The following PLEKHA5 variants were observed in gnomAD, a reference collection of about 807,000 sequenced individuals.
PLEKHA5 encodes the protein pleckstrin homology domain-containing family A member 5.
Under a neutral mutation model 181.9 loss-of-function variants are expected in PLEKHA5, and 55 were observed. That is an observed-to-expected ratio of 0.30 (90% CI 0.24 to 0.38). The LOEUF is 0.38. PLEKHA5 is among the 10% of genes least tolerant of loss of function. PLEKHA5 has a pLI of 1.00. For synonymous variants in PLEKHA5, 535 were observed against 529.4 expected, an observed-to-expected ratio of 1.01 and a Z score of -0.15; for missense variants, 1,432 against 1,549.5, an observed-to-expected ratio of 0.92 and a Z score of 1.27.
At chr12:19,373,780 C>A (rs1471132410) in intron 31 of PLEKHA5, 1 of 152,042 alleles carries the variant, frequency 6.6e-6, no homozygotes, top group Non-Finnish European at 1.5e-5. Context: ...TTGATGACCT[C>A]TTAGTAGAAA....
At chr12:19,301,847 C>G (rs1372910763) in intron 15 of PLEKHA5, among the ~76,000 whole-genome samples, 1 of 152,174 alleles carries the variant, frequency 6.6e-6, no homozygotes, top group African/African-American at 2.4e-5. Flanking sequence ...TCACATTTCC[C>G]TGCTTCCTGT....
intron 3 of PLEKHA5, chr12:19,207,765 A>G (rs1488248348): frequency 6.6e-6 from 1 of 152,194 alleles, no homozygotes; most frequent in Admixed American, 6.5e-5. Context: ...GCATTTCAGT[A>G]ATTGTAACTA....
At chr12:19,290,385 G>GT (rs1317156651) in intron 13 of PLEKHA5, among the ~76,000 whole-genome samples, 2 of 152,074 alleles carry the variant, frequency 1.3e-5, no homozygotes, top group East Asian at 1.9e-4. Flanking sequence ...CCTTTATAAT[G>GT]TTTTTTTGGC....
At chr12:19,231,618 T>TTATATATGTATA (rs2060629552) in intron 3 of PLEKHA5, among the ~76,000 whole-genome samples, 1 of 144,238 alleles carries the variant, frequency 6.9e-6, no homozygotes, top group Non-Finnish European at 1.5e-5. Flanking sequence ...ATATAAATAC[T>TTATATATGTATA]CATAAAGCTT....
intron 31 of PLEKHA5, among the ~76,000 whole-genome samples, chr12:19,374,193 T>C (rs1365343778): frequency 6.6e-6 from 1 of 152,104 alleles, no homozygotes; most frequent in Non-Finnish European, 1.5e-5. Context: ...GTTATGCAAA[T>C]GTTTGCTCAT....
At chr12:19,145,944 G>A (rs894205710) in intron 3 of PLEKHA5, among the ~76,000 whole-genome samples, 7 of 152,144 alleles carry the variant, frequency 4.6e-5, no homozygotes, top group Non-Finnish European at 8.8e-5. Flanking sequence ...TAATAAGTCT[G>A]TGGAGCTACA....
chr12:19,138,543 AG>A lies in PLEKHA5; in HGVS notation c.227+6094del, dbSNP rs1248391986. 2.0e-5 allele frequency among the ~76,000 whole-genome samples: 3 copies of A among 151,132 alleles called. No individual in the cohort carries two copies. The East Asian group carries it at 5.9e-4, about 30-fold the overall frequency. On this transcript the variant is annotated intron_variant, in intron 3 of 31. Coordinates refer to ENST00000429027, the MANE Select transcript of PLEKHA5 (RefSeq NM_001256470.2). ...GGCCGAGATCACGCCACTGCACTCC[AG>A]CCTGGGTGACAGAGTAAGACTCTGT...
At chr12:19,212,531 A>G (rs1403523986) in intron 3 of PLEKHA5, among the ~76,000 whole-genome samples, 1 of 151,944 alleles carries the variant, frequency 6.6e-6, no homozygotes, top group Non-Finnish European at 1.5e-5. Context: ...AAATACAAAA[A>G]TTAGCCAGGC....
chr12:19,343,180 A>T (rs2094066732), intron 21 of PLEKHA5, 143 bp from the exon 22 acceptor site: 2 of 487,550 alleles, frequency 4.1e-6, no homozygotes, highest in African/African-American at 1.9e-5. Flanking sequence ...TGGGAGAGTC[A>T]CATCAATCAT....
chr12:19,235,157 CTG>C (rs1300459608), intron 3 of PLEKHA5, among the ~76,000 whole-genome samples: 3 of 152,114 alleles, frequency 2.0e-5, no homozygotes, highest in Non-Finnish European at 4.4e-5. Flanking sequence ...TTATAGCAAA[CTG>C]TGTTGGCTTG....
chr12:19,316,835 A>G lies in PLEKHA5; in HGVS notation c.2118+1941A>G, dbSNP rs565221033. On this transcript the variant is annotated intron_variant, in intron 16 of 31. Coordinates refer to ENST00000429027, the MANE Select transcript of PLEKHA5 (RefSeq NM_001256470.2). ...TTCTCCAGGTTTCCCTCATCATGTT[A>G]TTATCCAGGGAAAATGTACTGCTAC... Among the ~76,000 whole-genome samples, 3 of 152,276 alleles carry G rather than the reference A, an allele frequency of 2.0e-5. No homozygotes were observed. The East Asian group carries it at 5.8e-4, about 29-fold the overall frequency.
chr12:19,250,732 T>G (rs1056079323), intron 3 of PLEKHA5, among the ~76,000 whole-genome samples: 2 of 152,240 alleles, frequency 1.3e-5, no homozygotes, highest in Non-Finnish European at 2.9e-5. Context: ...ATTTTTTAAG[T>G]GACACCTTGT....
rs148318053 is a variant in PLEKHA5, at chr12:19,243,767, C to A, written c.228-10173C>A. ...GGAAATATATACTTTTCATGTTTTA[C>A]CCCTCAAAAAAAATTACAGTCTTTG... is the stretch of plus-strand genomic sequence containing the variant. On this transcript the variant is annotated intron_variant, in intron 3 of 31. Transcript: ENST00000429027. 5.9e-3 allele frequency among the ~76,000 whole-genome samples: 904 copies of A among 152,126 alleles called. 8 individuals carry two copies. Among genetic ancestry groups the A allele is most frequent in the African/African-American group, 0.02 (846 of 41,510 alleles).
At chr12:19,173,885 T>C (rs370670134) in intron 3 of PLEKHA5, among the ~76,000 whole-genome samples, 77 of 152,328 alleles carry the variant, frequency 5.1e-4, no homozygotes, top group African/African-American at 1.8e-3. Context: ...ACATTAGGTT[T>C]TAAGTATTGG....
At chr12:19,208,881 A>T (rs1256771687) in intron 3 of PLEKHA5, among the ~76,000 whole-genome samples, 3 of 152,140 alleles carry the variant, frequency 2.0e-5, no homozygotes, top group Non-Finnish European at 4.4e-5. Context: ...TTCCATTAAG[A>T]TTAGTGTAAA....
chr12:19,184,421 G>A (rs993324447), intron 3 of PLEKHA5, among the ~76,000 whole-genome samples: 5 of 152,154 alleles, frequency 3.3e-5, no homozygotes, highest in African/African-American at 1.2e-4. Flanking sequence ...GTACTTGGAT[G>A]TAGGATGTAC....
chr12:19,359,521 C>T lies in PLEKHA5; in HGVS notation c.3458C>T (p.Pro1153Leu), dbSNP rs1045615696. The T allele has an allele frequency of 6.2e-7, 1 of 1,613,812 alleles. No individual in the cohort carries two copies. Among genetic ancestry groups the T allele is most frequent in the Admixed American group, 1.7e-5 (1 of 59,984 alleles). The part of the protein sequence containing the change: ...TEIVQLKETE[P>L]QNVDFSKELK... ...ATTGTTCAACTAAAAGAAACCGAAC[C>T]CCAAAATGTGGACTTCAGCAAAGAG... The change falls in exon 28 of 32, where the codon CCC becomes CTC. Residue 1153 changes from proline (P) to leucine (L), a missense_variant. Pro to Leu is a moderately conservative substitution (Grantham distance 98). Coordinates refer to ENST00000429027, the MANE Select transcript of PLEKHA5 (RefSeq NM_001256470.2).
At chr12:19,169,503 A>G (rs2045401269) in intron 3 of PLEKHA5, among the ~76,000 whole-genome samples, 1 of 152,172 alleles carries the variant, frequency 6.6e-6, no homozygotes, top group African/African-American at 2.4e-5. Context: ...TGAAACATCT[A>G]CCAGTGATTT....
At chr12:19,203,143 A>G (rs2152087037) in intron 3 of PLEKHA5, among the ~76,000 whole-genome samples, 1 of 152,252 alleles carries the variant, frequency 6.6e-6, no homozygotes, top group Admixed American at 6.5e-5. Flanking sequence ...AGTTGGATGT[A>G]TAGGAGACAG....
Sources: allele counts gnomAD v4.1 joint callset (sites outside exome capture counted in the v4.1 genomes callset), GRCh38; gene constraint gnomAD v4.1.1; transcripts MANE v1.5; gene names NCBI Gene and HGNC (gene_info 2026-07-23, HGNC 2026-07-21).